Variants in AHCYL2 observed in about 807,000 individuals in gnomAD.
AHCYL2 encodes S-adenosylhomocysteine hydrolase-like protein 2.
AHCYL2 carries 28 observed loss-of-function variants against 81.4 expected under a neutral mutation model. The observed-to-expected ratio is 0.34, with a 90% CI of 0.25 to 0.47. The LOEUF is 0.47. Ranked by LOEUF, AHCYL2 falls within the 20% of genes least tolerant of loss-of-function variation. The pLI, the probability that AHCYL2 is intolerant of heterozygous loss-of-function variation, is 1.00. For missense variants in AHCYL2, 551 were observed against 785.1 expected, an observed-to-expected ratio of 0.70 and a Z score of 3.56; for synonymous variants, 272 against 290.2, an observed-to-expected ratio of 0.94 and a Z score of 0.64.
In AHCYL2 at chr7:129,278,763, CTTTTTTTTT is replaced by C. The variant is rs36037913; in HGVS notation, c.363+53335_363+53343del. Among the ~76,000 whole-genome samples, 14 of 111,386 alleles carry C rather than the reference CTTTTTTTTT, an allele frequency of 1.3e-4. 1 individual carries two copies. Among genetic ancestry groups the C allele is most frequent in the African/African-American group, 4.7e-4 (14 of 29,524 alleles). 73.1% of individuals were successfully genotyped at this position (111,386 alleles called of 152,430 possible). A position where few individuals can be genotyped will look rare whatever the true frequency, so the allele number is the denominator to read the frequency against. On this transcript the variant is annotated intron_variant, in intron 1 of 16. Transcript: ENST00000325006. ...ATGGTACAAGGTTTGTATTGAAGCT[CTTTTTTTTT>C]TTTTTTTTTTGCATATGAATATCTA...
In AHCYL2 at chr7:129,379,683, A is replaced by G. The variant is rs766275581; in HGVS notation, c.409A>G (p.Thr137Ala). ...DQKQEFNKRP[T>A]KIGRRSLSRS... ...GAAGCAAGAATTCAACAAACGTCCC[A>G]CCAAAATTGGACGTCGCTCTTTGTC... The change falls in exon 2 of 17, where the codon ACC becomes GCC. Residue 137 changes from threonine (T) to alanine (A), a missense_variant. Physicochemically the swap from Thr to Ala is moderately conservative, Grantham distance 58 (BLOSUM62 0). Coordinates refer to ENST00000325006, the MANE Select transcript of AHCYL2 (RefSeq NM_015328.4). The G allele has an allele frequency of 1.9e-6, 3 of 1,614,078 alleles. No individual in the cohort carries two copies. The highest frequency in any genetic ancestry group is 2.5e-6 in the Non-Finnish European group (3 of 1,179,982).
chr7:129,271,627 G>A (rs1796020850), intron 1 of AHCYL2, among the ~76,000 whole-genome samples: 1 of 152,006 alleles, frequency 6.6e-6, no homozygotes, highest in East Asian at 1.9e-4. Context: ...ACCCGGGTGC[G>A]GGTAACATTG....
chr7:129,260,136 A>C (rs1795573141), intron 1 of AHCYL2, among the ~76,000 whole-genome samples: 1 of 149,924 alleles, frequency 6.7e-6, no homozygotes, highest in South Asian at 2.1e-4. Context: ...AATGTGCCTT[A>C]GTTATGCCTG....
chr7:129,299,043 A>C (rs971931082), intron 1 of AHCYL2, among the ~76,000 whole-genome samples: 1 of 152,186 alleles, frequency 6.6e-6, no homozygotes, highest in Non-Finnish European at 1.5e-5. Context: ...AAAAATACTT[A>C]ATGGAAACCA....
chr7:129,244,282 G>A (rs967334142), intron 1 of AHCYL2, among the ~76,000 whole-genome samples: 1 of 151,954 alleles, frequency 6.6e-6, no homozygotes, highest in Non-Finnish European at 1.5e-5. Flanking sequence ...GGAATTACAG[G>A]CATGAGCCAC....
intron 1 of AHCYL2, among the ~76,000 whole-genome samples, chr7:129,278,807 G>C (rs1301021376): frequency 7.6e-6 from 1 of 131,860 alleles, no homozygotes; most frequent in Non-Finnish European, 1.6e-5. Context: ...AATTGTTGCA[G>C]TATCATTTGT....
At chr7:129,303,625 ATTG>A (rs1162670179) in intron 1 of AHCYL2, among the ~76,000 whole-genome samples, 2 of 151,838 alleles carry the variant, frequency 1.3e-5, no homozygotes, top group African/African-American at 2.4e-5. Flanking sequence ...GATATTTTGT[ATTG>A]TTTTCTTCAT....
chr7:129,293,551 G>GCCT (rs1796946080), intron 1 of AHCYL2, among the ~76,000 whole-genome samples: 1 of 151,936 alleles, frequency 6.6e-6, no homozygotes, highest in Non-Finnish European at 1.5e-5. Flanking sequence ...GGTGGCACAT[G>GCCT]CCTATAGTCC....
intron 1 of AHCYL2, among the ~76,000 whole-genome samples, chr7:129,231,622 T>C (rs1216026101): frequency 6.6e-6 from 1 of 152,206 alleles, no homozygotes; most frequent in Non-Finnish European, 1.5e-5. Context: ...GTTTAGGTGG[T>C]AGACACAATT....
chr7:129,245,665 G>A (rs1156842713), intron 1 of AHCYL2, among the ~76,000 whole-genome samples: 1 of 152,110 alleles, frequency 6.6e-6, no homozygotes, highest in Non-Finnish European at 1.5e-5. Flanking sequence ...CATCCATGTT[G>A]TATCACATGC....
intron 1 of AHCYL2, among the ~76,000 whole-genome samples, chr7:129,377,243 T>C (rs1332870430): frequency 1.3e-5 from 2 of 152,204 alleles, no homozygotes; most frequent in Non-Finnish European, 2.9e-5. Flanking sequence ...ACATGAAAGT[T>C]CATGTACGTC....
chr7:129,288,963 G>A (rs1246031023), intron 1 of AHCYL2, among the ~76,000 whole-genome samples: 5 of 151,920 alleles, frequency 3.3e-5, no homozygotes, highest in Admixed American at 1.3e-4. Flanking sequence ...TGTTTATTTT[G>A]TAGAGATAGA....
At chr7:129,346,315 C>G (rs1174512049) in intron 1 of AHCYL2, among the ~76,000 whole-genome samples, 2 of 152,204 alleles carry the variant, frequency 1.3e-5, no homozygotes, top group African/African-American at 2.4e-5. Flanking sequence ...GTTTTTTCAA[C>G]TGTTAAAAAC....
intron 2 of AHCYL2, among the ~76,000 whole-genome samples, chr7:129,380,505 A>C (rs1444945152): frequency 1.3e-5 from 2 of 152,216 alleles, no homozygotes; most frequent in Non-Finnish European, 2.9e-5. Flanking sequence ...AATGTTTATT[A>C]TGACCTGAAA....
chr7:129,302,089 A>G (rs984489306), intron 1 of AHCYL2, among the ~76,000 whole-genome samples: 2 of 152,078 alleles, frequency 1.3e-5, no homozygotes, highest in Non-Finnish European at 2.9e-5. Context: ...CATTGTAGAT[A>G]TATTTCACTT....
At chr7:129,249,511 C>T (rs1157016662) in intron 1 of AHCYL2, among the ~76,000 whole-genome samples, 1 of 152,058 alleles carries the variant, frequency 6.6e-6, no homozygotes, top group Non-Finnish European at 1.5e-5. Context: ...CTGCAAGCTC[C>T]GCTTCCCGGG....
intron 1 of AHCYL2, among the ~76,000 whole-genome samples, chr7:129,239,953 G>A (rs938852840): frequency 2.6e-5 from 4 of 151,998 alleles, no homozygotes; most frequent in Non-Finnish European, 5.9e-5. Flanking sequence ...GCCGGACGCG[G>A]TGGCTCACGC....
In AHCYL2 at chr7:129,428,427, CA is replaced by C. The variant is rs769260132; in HGVS notation, c.*1383del. 6.6e-6 allele frequency: 1 copy of C among 152,200 alleles called. No homozygotes were observed. The highest frequency in any genetic ancestry group is 1.5e-5 in the Non-Finnish European group (1 of 68,034). The allele number at this position is 152,200 out of a possible 1,614,324, so 9.4% of individuals were successfully genotyped here. On this transcript the variant is annotated 3_prime_UTR_variant, in exon 17 of 17. Coordinates refer to ENST00000325006, the MANE Select transcript of AHCYL2 (RefSeq NM_015328.4). ...CTTTTGGAGACTGATCTGTTGGTCTCAGGCATTTCATTAGGACCAGATTGGT... is the reference window on the plus strand; with the variant it reads ...CTTTTGGAGACTGATCTGTTGGTCTCGGCATTTCATTAGGACCAGATTGGT...
chr7:129,293,908 G>A (rs1390301719), intron 1 of AHCYL2, among the ~76,000 whole-genome samples: 1 of 152,152 alleles, frequency 6.6e-6, no homozygotes, highest in Non-Finnish European at 1.5e-5. Context: ...CTAATTTAGA[G>A]ATTGTTAATT....
Sources: allele counts gnomAD v4.1 joint callset (sites outside exome capture counted in the v4.1 genomes callset), GRCh38; gene constraint gnomAD v4.1.1; transcripts MANE v1.5; gene names NCBI Gene and HGNC (gene_info 2026-07-23, HGNC 2026-07-21).